Variants in CSMD1 observed in about 807,000 individuals in gnomAD.
The protein encoded by CSMD1 is CUB and sushi domain-containing protein 1.
CSMD1 carries 213 observed loss-of-function variants against 417.5 expected under a neutral mutation model. The observed-to-expected ratio is 0.51, with a 90% CI of 0.46 to 0.57. The LOEUF (loss-of-function observed/expected upper bound fraction) is 0.57, where lower values mean the gene tolerates loss of function less well. Among genes scored for constraint, CSMD1 ranks in the 20% least tolerant of loss-of-function variants. The pLI is 0.00. For synonymous variants in CSMD1, 2,862 were observed against 1,736.8 expected, an observed-to-expected ratio of 1.65 and a Z score of -16.11; for missense variants, 6,923 against 4,529.7, an observed-to-expected ratio of 1.53 and a Z score of -15.17.
At chr8:4,155,931 C>A (rs540235460) in intron 3 of CSMD1, among the ~76,000 whole-genome samples, 1 of 152,076 alleles carries the variant, frequency 6.6e-6, no homozygotes, top group African/African-American at 2.4e-5. Flanking sequence ...AATGCACAGC[C>A]CAGGTGTTCT....
intron 17 of CSMD1, among the ~76,000 whole-genome samples, chr8:3,389,118 G>C (rs536770464): frequency 1.2e-4 from 18 of 152,178 alleles, no homozygotes; most frequent in South Asian, 8.3e-4. Flanking sequence ...GTTGTTGTTT[G>C]TTTACTTTTA....
chr8:4,381,429 T>C (rs1376812313), intron 3 of CSMD1, among the ~76,000 whole-genome samples: 3 of 152,178 alleles, frequency 2.0e-5, no homozygotes, highest in East Asian at 1.9e-4. Context: ...GTAAAACCCA[T>C]TGAAAAGGGG....
At chr8:4,912,591 C>G (rs760821934) in intron 1 of CSMD1, among the ~76,000 whole-genome samples, 9 of 152,164 alleles carry the variant, frequency 5.9e-5, no homozygotes, top group Non-Finnish European at 1.2e-4. Flanking sequence ...TCTCAAAAGC[C>G]TGCCTTCCTA....
chr8:3,551,819 G>C (rs1238992675), intron 10 of CSMD1, among the ~76,000 whole-genome samples: 6 of 152,094 alleles, frequency 3.9e-5, no homozygotes, highest in Admixed American at 6.5e-5. Context: ...TGCAGTACCT[G>C]CATCAGTCTA....
At chr8:4,981,876 C>T (rs1246343724) in intron 1 of CSMD1, among the ~76,000 whole-genome samples, 3 of 152,086 alleles carry the variant, frequency 2.0e-5, no homozygotes, top group Non-Finnish European at 2.9e-5. Flanking sequence ...ACTGTGGAGT[C>T]TCCCTCTCAC....
chr8:4,305,884 G>C (rs1362115371), intron 3 of CSMD1, among the ~76,000 whole-genome samples: 1 of 152,096 alleles, frequency 6.6e-6, no homozygotes, highest in Non-Finnish European at 1.5e-5. Context: ...GTGTGTATAT[G>C]CAATTGTTCT....
intron 42 of CSMD1, among the ~76,000 whole-genome samples, chr8:3,117,363 C>T (rs7816041): frequency 0.38 from 57,745 of 152,100 alleles, 15,976 homozygotes; most frequent in African/African-American, 0.78. Context: ...TATAATAATA[C>T]AGAATAGGTA....
intron 1 of CSMD1, among the ~76,000 whole-genome samples, chr8:4,673,877 G>A (rs1017098825): frequency 2.6e-5 from 4 of 152,004 alleles, no homozygotes; most frequent in Admixed American, 1.3e-4. Context: ...GAGGGGCTGG[G>A]GAATGGTAAT....
At chr8:4,872,125 C>G (rs944448836) in intron 1 of CSMD1, among the ~76,000 whole-genome samples, 1 of 152,086 alleles carries the variant, frequency 6.6e-6, no homozygotes, top group East Asian at 1.9e-4. Context: ...TCATTTTATC[C>G]TCACAACAAT....
chr8:4,305,898 G>A (rs138811567), intron 3 of CSMD1, among the ~76,000 whole-genome samples: 3 of 152,116 alleles, frequency 2.0e-5, no homozygotes, highest in East Asian at 1.9e-4. Context: ...TTGTTCTCAA[G>A]CATCAGAATG....
In CSMD1 at chr8:4,217,529, T is replaced by C. The variant is rs147519787; in HGVS notation, c.416-185430A>G. ...ATCAAGGGGAGGGAGAAGGTGGTGG[T>C]GGAAGTGTCTTCTTGAATAAGGAAG... On this transcript the variant is annotated intron_variant, in intron 3 of 69. Transcript: ENST00000635120. 2.6e-5 allele frequency among the ~76,000 whole-genome samples: 4 copies of C among 152,210 alleles called. No individual in the cohort carries two copies. The East Asian group carries it at 7.7e-4, about 29-fold the overall frequency.
chr8:4,041,239 G>A (rs1286553561), intron 3 of CSMD1, among the ~76,000 whole-genome samples: 2 of 151,862 alleles, frequency 1.3e-5, no homozygotes, highest in African/African-American at 2.4e-5. Context: ...GGATGGTCAC[G>A]ATCTCCTGAC....
chr8:3,797,080 C>G (rs1317940145), intron 5 of CSMD1, among the ~76,000 whole-genome samples: 1 of 151,850 alleles, frequency 6.6e-6, no homozygotes, highest in Non-Finnish European at 1.5e-5. Context: ...TTAAGATGGA[C>G]TTCTCCTTTA....
At chr8:4,626,619 C>A (rs1337670439) in intron 2 of CSMD1, among the ~76,000 whole-genome samples, 1 of 152,004 alleles carries the variant, frequency 6.6e-6, no homozygotes, top group Non-Finnish European at 1.5e-5. Context: ...CCGCAGGGGG[C>A]AGGGTGTGGG....
intron 46 of CSMD1, among the ~76,000 whole-genome samples, chr8:3,102,912 G>A (rs557424317): frequency 2.0e-5 from 3 of 152,230 alleles, no homozygotes; most frequent in South Asian, 2.1e-4. Context: ...AGAATTCAAC[G>A]AGTTTTATTA....
intron 2 of CSMD1, among the ~76,000 whole-genome samples, chr8:4,481,560 C>T (rs139259341): frequency 2.6e-5 from 4 of 152,146 alleles, no homozygotes; most frequent in East Asian, 1.9e-4. Context: ...TATTTGGTGA[C>T]GGACTAAGCT....
chr8:3,636,228 C>T (rs1475143099), intron 7 of CSMD1, among the ~76,000 whole-genome samples: 1 of 152,180 alleles, frequency 6.6e-6, no homozygotes, highest in Non-Finnish European at 1.5e-5. Context: ...CAGTAACAGG[C>T]GTGGAACTGT....
chr8:4,150,727 C>T (rs1206664448), intron 3 of CSMD1, among the ~76,000 whole-genome samples: 2 of 152,184 alleles, frequency 1.3e-5, no homozygotes, highest in South Asian at 2.1e-4. Context: ...ATTCAGAATG[C>T]AGATTAAAAA....
chr8:3,136,675 C>G (rs528486326), intron 41 of CSMD1, among the ~76,000 whole-genome samples: 6 of 152,254 alleles, frequency 3.9e-5, no homozygotes, highest in Admixed American at 6.5e-5. Flanking sequence ...AGGGTACACT[C>G]AGAGCTGTTT....
Sources: allele counts gnomAD v4.1 joint callset (sites outside exome capture counted in the v4.1 genomes callset), GRCh38; gene constraint gnomAD v4.1.1; transcripts MANE v1.5; gene names NCBI Gene and HGNC (gene_info 2026-07-23, HGNC 2026-07-21).